AFG1L: variants seen among roughly 807,000 people sequenced by gnomAD.
AFG1L encodes the protein AFG1 like ATPase.
A neutral mutation model predicts 62.2 loss-of-function variants in AFG1L; 53 were observed. The observed-to-expected ratio is 0.85, with a 90% confidence interval of 0.68 to 1.07. The LOEUF is 1.07. AFG1L is among the 50% of genes least tolerant of loss of function. The probability of loss-of-function intolerance (pLI) is 0.00; values close to 1 mark genes in which losing one functional copy is unlikely to be tolerated. For synonymous variants in AFG1L, 228 were observed against 210.3 expected, an observed-to-expected ratio of 1.08 and a Z score of -0.73; for missense variants, 555 against 590.5, an observed-to-expected ratio of 0.94 and a Z score of 0.62.
intron 11 of AFG1L, among the ~76,000 whole-genome samples, chr6:108,518,953 G>C (rs967822594): frequency 6.6e-6 from 1 of 152,218 alleles, no homozygotes; most frequent in Non-Finnish European, 1.5e-5. Flanking sequence ...GCACAGACCA[G>C]CTCCAAACAG....
intron 7 of AFG1L, among the ~76,000 whole-genome samples, chr6:108,429,085 G>A (rs992633208): frequency 7.2e-5 from 11 of 152,086 alleles, no homozygotes; most frequent in African/African-American, 2.7e-4. Flanking sequence ...GTTGACTTTT[G>A]TATAAGGTAA....
chr6:108,446,129 C>T (rs1022259007), intron 7 of AFG1L, among the ~76,000 whole-genome samples: 11 of 151,178 alleles, frequency 7.3e-5, no homozygotes, highest in Non-Finnish European at 1.5e-4. Context: ...TCTCATTGCC[C>T]CCAAAATCCA....
At chr6:108,505,078 G>GA (rs1002142137) in intron 10 of AFG1L, among the ~76,000 whole-genome samples, 1 of 98,936 alleles carries the variant, frequency 1.0e-5, no homozygotes, top group Non-Finnish European at 2.1e-5. Flanking sequence ...CCTGAGCTTG[G>GA]ATTTTTTTTT....
At chr6:108,333,451 A>T (rs936810621) in intron 2 of AFG1L, among the ~76,000 whole-genome samples, 1 of 152,070 alleles carries the variant, frequency 6.6e-6, no homozygotes, top group Non-Finnish European at 1.5e-5. Flanking sequence ...TAGAATACAT[A>T]AAGAACCCTG....
At chr6:108,350,782 T>C (rs1474494156) in intron 3 of AFG1L, among the ~76,000 whole-genome samples, 1 of 152,210 alleles carries the variant, frequency 6.6e-6, no homozygotes, top group Non-Finnish European at 1.5e-5. Context: ...GCCCCTTTCC[T>C]GCTGCCTCCT....
intron 3 of AFG1L, among the ~76,000 whole-genome samples, chr6:108,353,833 TTC>T (rs1335502811): frequency 1.3e-5 from 2 of 152,200 alleles, no homozygotes; most frequent in Non-Finnish European, 2.9e-5. Context: ...ATGAATGACT[TTC>T]CATCAAAGTG....
chr6:108,470,983 G>A (rs558420009), intron 8 of AFG1L, among the ~76,000 whole-genome samples: 1 of 152,240 alleles, frequency 6.6e-6, no homozygotes, highest in South Asian at 2.1e-4. Flanking sequence ...CTCATTGTAT[G>A]TATCTCTTCA....
rs149958568 is a variant in AFG1L, at chr6:108,356,772, C to T, written c.600C>T (p.Ala200=). ...CATATGACCCAATAGCTCCCATAGCCGAAGAAATCAGCGAAGAAGCATGTC... is the reference window on the plus strand; with the variant it reads ...CATATGACCCAATAGCTCCCATAGCTGAAGAAATCAGCGAAGAAGCATGTC... ...AKSYDPIAPI[A]EEISEEACLL... Residue 200 remains alanine (A), a synonymous_variant, in exon 5 of 13, where the codon GCC becomes GCT. Coordinates refer to ENST00000368977, the MANE Select transcript of AFG1L (RefSeq NM_145315.5). The T allele has an allele frequency of 3.0e-5, 49 of 1,612,856 alleles. 1 individual carries two copies. The highest frequency in any genetic ancestry group is 2.0e-4 in the Admixed American group (12 of 59,884).
At chr6:108,437,876 C>T (rs1416691827) in intron 7 of AFG1L, among the ~76,000 whole-genome samples, 2 of 152,074 alleles carry the variant, frequency 1.3e-5, no homozygotes, top group Non-Finnish European at 2.9e-5. Flanking sequence ...GTGGGAGGAC[C>T]ATGGATTTGG....
At chr6:108,470,044 T>C (rs1772823374) in intron 8 of AFG1L, among the ~76,000 whole-genome samples, 1 of 152,208 alleles carries the variant, frequency 6.6e-6, no homozygotes, top group Non-Finnish European at 1.5e-5. Context: ...GCCAAGCCTT[T>C]GGAGAGTTCT....
chr6:108,411,845 C>G (rs1217464702), intron 7 of AFG1L, among the ~76,000 whole-genome samples: 3 of 152,212 alleles, frequency 2.0e-5, no homozygotes, highest in Admixed American at 2.0e-4. Flanking sequence ...AAAATCAGAG[C>G]GCCTCTTCTC....
chr6:108,489,290 C>T (rs72938699), intron 10 of AFG1L, among the ~76,000 whole-genome samples: 10,256 of 152,228 alleles, frequency 0.067, 460 homozygotes, highest in Non-Finnish European at 0.1. Flanking sequence ...TGAAATTTTT[C>T]CTGTAAACTC....
chr6:108,343,104 G>T (rs1225965746), intron 2 of AFG1L, among the ~76,000 whole-genome samples: 2 of 148,840 alleles, frequency 1.3e-5, no homozygotes, highest in African/African-American at 2.5e-5. Context: ...TTCCTCTGTT[G>T]CCCAGGCTGG....
intron 7 of AFG1L, among the ~76,000 whole-genome samples, chr6:108,442,361 T>TAA (rs1238325127): frequency 6.6e-6 from 1 of 152,080 alleles, no homozygotes. Context: ...AGTATATATA[T>TAA]AAAACACAGG....
At chr6:108,354,390 C>T (rs529314372) in intron 3 of AFG1L, among the ~76,000 whole-genome samples, 4 of 152,066 alleles carry the variant, frequency 2.6e-5, no homozygotes, top group South Asian at 2.1e-4. Flanking sequence ...CTGCAACCTC[C>T]GCCTCCCAGG....
At chr6:108,401,236 G>C (rs1037658503) in intron 6 of AFG1L, among the ~76,000 whole-genome samples, 1 of 149,164 alleles carries the variant, frequency 6.7e-6, no homozygotes, top group African/African-American at 2.5e-5. Context: ...TCCGCTTCCC[G>C]GGTTCACGCC....
At chr6:108,449,409 T>C (rs1771961446) in intron 8 of AFG1L, among the ~76,000 whole-genome samples, 2 of 152,120 alleles carry the variant, frequency 1.3e-5, no homozygotes. Context: ...TAAGTATCCC[T>C]GAAGAGAATT....
chr6:108,378,037 T>C (rs1294285132), intron 6 of AFG1L, among the ~76,000 whole-genome samples: 3 of 150,886 alleles, frequency 2.0e-5, no homozygotes, highest in African/African-American at 7.3e-5. Context: ...ATTCTTCTTT[T>C]TTTTTTTTTT....
rs1050279241 is a variant in AFG1L, at chr6:108,524,031, A to C, written c.*1606A>C. On this transcript the variant is annotated 3_prime_UTR_variant, in exon 13 of 13. Transcript: ENST00000368977. ...AAAAATAAGAAAACTGAGTCTTGGGAAAGTTAAGTAGCTTGACCTGAGATT... is the reference window on the plus strand; with the variant it reads ...AAAAATAAGAAAACTGAGTCTTGGGCAAGTTAAGTAGCTTGACCTGAGATT... 6.6e-6 allele frequency: 1 copy of C among 152,158 alleles called. No individual in the cohort carries two copies. The highest frequency in any genetic ancestry group is 2.4e-5 in the African/African-American group (1 of 41,436). 9.4% of individuals were successfully genotyped at this position (152,158 alleles called of 1,614,324 possible).
Sources: gnomAD v4.1 joint callset for allele counts (sites outside exome capture counted in the v4.1 genomes callset) on GRCh38, gnomAD v4.1.1 for gene constraint, MANE v1.5 for transcripts, NCBI Gene and HGNC (gene_info 2026-07-23, HGNC 2026-07-21) for gene names.